ADGRV1: variants seen among roughly 807,000 people sequenced by gnomAD.
ADGRV1 encodes the protein adhesion G protein-coupled receptor V1.
A neutral mutation model predicts 596.2 loss-of-function variants in ADGRV1; 359 were observed. The observed-to-expected ratio is 0.60, with a 90% CI of 0.55 to 0.66. The LOEUF (loss-of-function observed/expected upper bound fraction) is 0.66. ADGRV1 is among the 30% of genes least tolerant of loss of function. The pLI, the probability that ADGRV1 is intolerant of heterozygous loss-of-function variation, is 0.00. For missense variants in ADGRV1, 7,274 were observed against 7,575.6 expected (o/e 0.96, Z 1.48); for synonymous variants, 2,681 against 2,679.2 (o/e 1.00, Z -0.02).
At chr5:90,822,368 C>A (rs568896000) in intron 75 of ADGRV1, among the ~76,000 whole-genome samples, 4 of 152,302 alleles carry the variant, frequency 2.6e-5, no homozygotes, top group African/African-American at 9.6e-5. Flanking sequence ...GCAGAAATCA[C>A]CCGTCTTCTG....
chr5:91,021,269 G>A (rs939470859), intron 85 of ADGRV1, among the ~76,000 whole-genome samples: 1 of 151,970 alleles, frequency 6.6e-6, no homozygotes, highest in Admixed American at 6.6e-5. Context: ...ATGTAAAATG[G>A]CATTAGGTTG....
intron 21 of ADGRV1, among the ~76,000 whole-genome samples, chr5:90,659,840 G>A (rs1769986391): frequency 6.6e-6 from 1 of 152,112 alleles, no homozygotes; most frequent in Non-Finnish European, 1.5e-5. Context: ...AGACCATCCT[G>A]GCTAACATGG....
At chr5:90,679,944 T>A (rs141104822) in intron 26 of ADGRV1, among the ~76,000 whole-genome samples, 1 of 152,348 alleles carries the variant, frequency 6.6e-6, no homozygotes, top group African/African-American at 2.4e-5. Flanking sequence ...TAAAAATGGT[T>A]GTTTGGAAAC....
chr5:90,764,556 C>T (rs987507019), intron 59 of ADGRV1, among the ~76,000 whole-genome samples: 1 of 152,182 alleles, frequency 6.6e-6, no homozygotes, highest in Non-Finnish European at 1.5e-5. Context: ...ATTGGTGCTG[C>T]CCCCTTCAGT....
chr5:90,890,792 A>G (rs1288153111), intron 83 of ADGRV1, among the ~76,000 whole-genome samples: 2 of 152,130 alleles, frequency 1.3e-5, no homozygotes, highest in African/African-American at 4.8e-5. Context: ...TTATATTTCT[A>G]TCAGTGCCAT....
intron 75 of ADGRV1, among the ~76,000 whole-genome samples, chr5:90,818,956 T>G (rs2150272578): frequency 6.6e-6 from 1 of 151,940 alleles, no homozygotes; most frequent in South Asian, 2.1e-4. Flanking sequence ...GATTCCCTCT[T>G]TTTCTGTTGA....
chr5:90,564,626 T>TA (rs202140182), intron 1 of ADGRV1, among the ~76,000 whole-genome samples: 1,783 of 10,618 alleles, frequency 0.17, 213 homozygotes, highest in Admixed American at 0.25. Flanking sequence ...TATATATATA[T>TA]TTTTTTTTTT....
intron 84 of ADGRV1, among the ~76,000 whole-genome samples, chr5:90,981,164 G>A (rs1780046741): frequency 6.6e-6 from 1 of 152,154 alleles, no homozygotes; most frequent in Admixed American, 6.5e-5. Context: ...TATGGAAGGT[G>A]AACATTGGTT....
At chr5:90,970,719 A>G (rs536963156) in intron 84 of ADGRV1, among the ~76,000 whole-genome samples, 1 of 152,296 alleles carries the variant, frequency 6.6e-6, no homozygotes, top group Admixed American at 6.5e-5. Context: ...CACCATCATC[A>G]AAGACCAAAG....
At chr5:91,068,933 C>T (rs985904371) in intron 85 of ADGRV1, among the ~76,000 whole-genome samples, 3 of 151,720 alleles carry the variant, frequency 2.0e-5, no homozygotes, top group African/African-American at 7.3e-5. Context: ...GGTACTGATA[C>T]AAAAACAGAC....
At chr5:90,928,273 C>T (rs1774743157) in intron 83 of ADGRV1, among the ~76,000 whole-genome samples, 1 of 152,138 alleles carries the variant, frequency 6.6e-6, no homozygotes, top group Admixed American at 6.5e-5. Flanking sequence ...GTACACCAAT[C>T]AGACGTAGAT....
At position 90,628,819 on chromosome 5, in the gene ADGRV1, G is replaced by GC. The variant is rs1403716932; in HGVS notation, c.1497dup (p.Glu500ArgfsTer12). 4.3e-6 allele frequency: 7 copies of GC among 1,613,920 alleles called. No individual in the cohort carries two copies. Among genetic ancestry groups the GC allele is most frequent in the Non-Finnish European group, 5.9e-6 (7 of 1,179,828 alleles). On this transcript the variant is annotated frameshift_variant, in exon 8 of 90. Coordinates refer to ENST00000405460, the MANE Select transcript of ADGRV1 (RefSeq NM_032119.4). LOFTEE classifies it high-confidence loss of function. Reference sequence around the variant, plus strand: ...ACAATACGAGGAGGTGCAGAAGTGAGCGAGCCAGCGGAGGTATAACCCTTG... The same window carrying GC: ...ACAATACGAGGAGGTGCAGAAGTGAGCCGAGCCAGCGGAGGTATAACCCTTG...
intron 83 of ADGRV1, among the ~76,000 whole-genome samples, chr5:90,938,955 A>G (rs1775943525): frequency 6.6e-6 from 1 of 152,178 alleles, no homozygotes; most frequent in Non-Finnish European, 1.5e-5. Flanking sequence ...ATACATATAT[A>G]CTTGTGTTTC....
intron 50 of ADGRV1, among the ~76,000 whole-genome samples, chr5:90,742,974 G>A (rs887886818): frequency 2.6e-5 from 4 of 152,152 alleles, no homozygotes; most frequent in African/African-American, 9.7e-5. Flanking sequence ...AATGAGTTTG[G>A]TTGGAATATG....
Position 90,642,880 on chromosome 5 carries a change from A to G in ADGRV1, c.2392A>G (p.Ile798Val). ...GGAAGGAGAATCTGTAGAGCTCCACATCATCCGATCAAGGGGGTCCCTTGT... is the reference window on the plus strand; with the variant it reads ...GGAAGGAGAATCTGTAGAGCTCCACGTCATCCGATCAAGGGGGTCCCTTGT... ...IKEGESVELH[I>V]IRSRGSLVKQ... Residue 798 changes from isoleucine to valine, a missense_variant, in exon 13 of 90, where the codon ATC becomes GTC. By Grantham distance (29) the Ile-to-Val change is conservative. Coordinates refer to ENST00000405460, the MANE Select transcript of ADGRV1 (RefSeq NM_032119.4). The G allele has an allele frequency of 1.2e-6, 2 of 1,608,622 alleles. No individual in the cohort carries two copies. Among genetic ancestry groups the G allele is most frequent in the Non-Finnish European group, 1.7e-6 (2 of 1,177,448 alleles).
intron 68 of ADGRV1, 39 bp from the exon 69 acceptor site, chr5:90,789,663 G>A: frequency 7.9e-7 from 1 of 1,273,038 alleles, no homozygotes; most frequent in Non-Finnish European, 1.1e-6. Context: ...CATCCCTATT[G>A]TTTTATAAAT....
At chr5:90,857,467 A>G (rs1381069177) in intron 82 of ADGRV1, among the ~76,000 whole-genome samples, 1 of 152,182 alleles carries the variant, frequency 6.6e-6, no homozygotes, top group African/African-American at 2.4e-5. Context: ...ACTGAATATA[A>G]TGAGTTTCCT....
chr5:91,013,617 C>A (rs1330324296), intron 85 of ADGRV1, among the ~76,000 whole-genome samples: 2 of 151,990 alleles, frequency 1.3e-5, no homozygotes, highest in Non-Finnish European at 2.9e-5. Flanking sequence ...AGACCTTTGT[C>A]AGATGCATAA....
At chr5:90,780,301 T>C (rs2150087431) in intron 64 of ADGRV1, among the ~76,000 whole-genome samples, 1 of 152,324 alleles carries the variant, frequency 6.6e-6, no homozygotes, top group South Asian at 2.1e-4. Flanking sequence ...TTAGCTAATC[T>C]ACAGCCCATC....
Sources: allele counts gnomAD v4.1 joint callset (sites outside exome capture counted in the v4.1 genomes callset), GRCh38; gene constraint gnomAD v4.1.1; transcripts MANE v1.5; gene names NCBI Gene and HGNC (gene_info 2026-07-23, HGNC 2026-07-21).